The following CDKAL1 variants were observed in gnomAD, a reference collection of about 807,000 sequenced individuals.
CDKAL1 encodes threonylcarbamoyladenosine tRNA methylthiotransferase.
CDKAL1 carries 32 observed loss-of-function variants against 68.2 expected under a neutral mutation model. The ratio of observed to expected loss-of-function variants is 0.47; its 90% confidence interval spans 0.35 to 0.63. The LOEUF is 0.63. Among genes scored for constraint, CDKAL1 ranks in the 30% least tolerant of loss-of-function variants. The pLI is 0.00. For synonymous variants in CDKAL1, 234 were observed against 244.3 expected (o/e 0.96, Z 0.39); for missense variants, 606 against 696.7 (o/e 0.87, Z 1.47).
intron 6 of CDKAL1, among the ~76,000 whole-genome samples, chr6:20,742,414 T>G (rs1381300342): frequency 6.6e-6 from 1 of 151,984 alleles, no homozygotes. Context: ...AAATAAAATC[T>G]ATATTTCTAT....
In CDKAL1 at chr6:20,634,725, C is replaced by T. The variant is rs183798777; in HGVS notation, c.287-14568C>T. On this transcript the variant is annotated intron_variant, in intron 4 of 15. Transcript: ENST00000274695. ...AGGTGTGGTGGCTCATGCCTGTAAT[C>T]CCAGCACTTTGGGAGGACGAGGCAG... Among the ~76,000 whole-genome samples, 593 of 152,218 alleles carry T rather than the reference C, an allele frequency of 3.9e-3. 1 individual carries two copies. Among genetic ancestry groups the T allele is most frequent in the Non-Finnish European group, 7.2e-3 (493 of 68,008 alleles).
At chr6:20,989,121 G>A (rs1003924504) in intron 10 of CDKAL1, among the ~76,000 whole-genome samples, 4 of 151,432 alleles carry the variant, frequency 2.6e-5, no homozygotes, top group Non-Finnish European at 5.9e-5. Flanking sequence ...ACAGTAATAC[G>A]GTTTACCGCA....
intron 12 of CDKAL1, among the ~76,000 whole-genome samples, chr6:21,084,218 A>T (rs866433668): frequency 6.6e-6 from 1 of 152,308 alleles, no homozygotes; most frequent in South Asian, 2.1e-4. Flanking sequence ...ATTAAGTTTA[A>T]TCTATTCTAA....
At chr6:21,191,651 A>C (rs1778242327) in intron 13 of CDKAL1, among the ~76,000 whole-genome samples, 1 of 151,756 alleles carries the variant, frequency 6.6e-6, no homozygotes, top group Non-Finnish European at 1.5e-5. Flanking sequence ...GCCAGACCTT[A>C]GTTCTCTCCC....
At chr6:20,931,705 G>T (rs1218956525) in intron 9 of CDKAL1, among the ~76,000 whole-genome samples, 21 of 152,134 alleles carry the variant, frequency 1.4e-4, no homozygotes, top group Admixed American at 1.2e-3. Flanking sequence ...TCTGCCTCAT[G>T]CCTTTCCTTC....
intron 6 of CDKAL1, among the ~76,000 whole-genome samples, chr6:20,743,659 A>T (rs1773550398): frequency 6.6e-6 from 1 of 152,118 alleles, no homozygotes; most frequent in Admixed American, 6.6e-5. Flanking sequence ...CTCTCTCCTG[A>T]AATCACCTAG....
chr6:20,738,856 G>T (rs1281881104), intron 5 of CDKAL1, among the ~76,000 whole-genome samples: 1 of 152,098 alleles, frequency 6.6e-6, no homozygotes, highest in Non-Finnish European at 1.5e-5. Flanking sequence ...TCACATCTAG[G>T]TTTCTGTAAT....
chr6:21,041,931 T>G (rs990778097), intron 11 of CDKAL1, among the ~76,000 whole-genome samples: 26 of 152,172 alleles, frequency 1.7e-4, no homozygotes, highest in Non-Finnish European at 3.4e-4. Context: ...GAGATTCTGT[T>G]TTCAAATCTT....
At chr6:20,773,266 T>G (rs1377673674) in intron 7 of CDKAL1, among the ~76,000 whole-genome samples, 1 of 152,226 alleles carries the variant, frequency 6.6e-6, no homozygotes, top group Non-Finnish European at 1.5e-5. Context: ...TGTCACACTT[T>G]AGTGTGAATA....
intron 9 of CDKAL1, among the ~76,000 whole-genome samples, chr6:20,943,873 G>T (rs1256400056): frequency 6.6e-6 from 1 of 151,944 alleles, no homozygotes; most frequent in Non-Finnish European, 1.5e-5. Flanking sequence ...AAGGCAGGAG[G>T]ATTAAAAGTA....
chr6:21,043,541 G>T (rs1031073854), intron 11 of CDKAL1, among the ~76,000 whole-genome samples: 2 of 152,116 alleles, frequency 1.3e-5, no homozygotes, highest in African/African-American at 4.8e-5. Context: ...CAAAAAGCAT[G>T]CTAGGCTTAC....
intron 8 of CDKAL1, among the ~76,000 whole-genome samples, chr6:20,825,550 GT>G (rs1397065688): frequency 2.0e-5 from 3 of 151,974 alleles, no homozygotes; most frequent in African/African-American, 7.2e-5. Context: ...GGGGTTTTTT[GT>G]ACTTTATTTG....
intron 12 of CDKAL1, among the ~76,000 whole-genome samples, chr6:21,092,641 A>G (rs1175595141): frequency 6.6e-6 from 1 of 152,138 alleles, no homozygotes; most frequent in Non-Finnish European, 1.5e-5. Context: ...TAACTAACAC[A>G]AAGGACAGGA....
chr6:21,017,733 C>T (rs1768423136), intron 11 of CDKAL1, among the ~76,000 whole-genome samples: 1 of 152,114 alleles, frequency 6.6e-6, no homozygotes, highest in Non-Finnish European at 1.5e-5. Context: ...TATAAAATGG[C>T]TTGTTCTTCC....
intron 13 of CDKAL1, among the ~76,000 whole-genome samples, chr6:21,151,940 C>T (rs1202152694): frequency 6.6e-6 from 1 of 152,166 alleles, no homozygotes; most frequent in Non-Finnish European, 1.5e-5. Flanking sequence ...TTATTTTCAG[C>T]CTTTGCCATT....
intron 11 of CDKAL1, among the ~76,000 whole-genome samples, chr6:21,009,222 GTGGATC>G (rs1230147754): frequency 2.0e-5 from 3 of 152,176 alleles, no homozygotes; most frequent in Non-Finnish European, 4.4e-5. Context: ...GCTCTAGCTT[GTGGATC>G]TCCAAATTTT....
chr6:20,651,443 G>C (rs1768766747), intron 5 of CDKAL1, among the ~76,000 whole-genome samples: 1 of 152,164 alleles, frequency 6.6e-6, no homozygotes, highest in African/African-American at 2.4e-5. Context: ...ATTAGGTTAA[G>C]AAGTTTTTGG....
intron 2 of CDKAL1, among the ~76,000 whole-genome samples, chr6:20,546,116 A>C (rs1344644986): frequency 1.3e-5 from 2 of 152,186 alleles, no homozygotes; most frequent in Non-Finnish European, 2.9e-5. Flanking sequence ...GAACCTTGGA[A>C]TGTCCCATTG....
At chr6:20,892,207 T>C (rs1224094898) in intron 9 of CDKAL1, among the ~76,000 whole-genome samples, 1 of 152,140 alleles carries the variant, frequency 6.6e-6, no homozygotes. Context: ...AAGACACAGT[T>C]CTTCAACTAA....
Sources: gnomAD v4.1 joint callset for allele counts (sites outside exome capture counted in the v4.1 genomes callset) on GRCh38, gnomAD v4.1.1 for gene constraint, MANE v1.5 for transcripts, NCBI Gene and HGNC (gene_info 2026-07-23, HGNC 2026-07-21) for gene names.